ZFP69B: variants seen among roughly 807,000 people sequenced by gnomAD.
ZFP69B encodes zinc finger protein 69 homolog B.
Under a neutral mutation model 19.7 loss-of-function variants are expected in ZFP69B, and 20 were observed. That is an observed-to-expected ratio of 1.02 (90% confidence interval 0.71 to 1.48). The LOEUF is 1.48. Ranked by LOEUF, ZFP69B falls within the 40% of genes most tolerant of loss-of-function variation. The probability of loss-of-function intolerance (pLI) is 0.00; values close to 1 mark genes in which losing one functional copy is unlikely to be tolerated. For missense variants in ZFP69B, 583 were observed against 632.6 expected (o/e 0.92, Z 0.84); for synonymous variants, 220 against 222.7 (o/e 0.99, Z 0.11).
rs201338663 is a variant in ZFP69B at position 40,457,017 on chromosome 1, C to A, written c.286C>A (p.Arg96=). ...GTGGGGGCAGCTGGCCCCTGCTCAC[C>A]GGAATCTGTACCGGGAGGTGATGCT... ...EEWGQLAPAH[R]NLYREVMLEN... The change falls in exon 3 of 5, where the codon CGG becomes AGG. Residue 96 remains arginine (R), a synonymous_variant. Transcript: ENST00000361584. The A allele has an allele frequency of 1.4e-5, 23 of 1,613,410 alleles. No individual in the cohort carries two copies. The highest frequency in any genetic ancestry group is 1.7e-5 in the Non-Finnish European group (20 of 1,179,774).
intron 4 of ZFP69B, among the ~76,000 whole-genome samples, chr1:40,458,869 C>T (rs999919046): frequency 1.1e-4 from 17 of 152,178 alleles, no homozygotes; most frequent in African/African-American, 3.9e-4. Context: ...TCTGGTGATT[C>T]AGAAAGATTC....
At chr1:40,452,259 A>G (rs1230998088) in intron 1 of ZFP69B, among the ~76,000 whole-genome samples, 5 of 152,204 alleles carry the variant, frequency 3.3e-5, no homozygotes, top group African/African-American at 1.2e-4. Context: ...TACTTACTAA[A>G]TGGCAAGGAA....
chr1:40,455,129 C>G (rs189087634), intron 2 of ZFP69B, among the ~76,000 whole-genome samples: 1 of 152,052 alleles, frequency 6.6e-6, no homozygotes, highest in African/African-American at 2.4e-5. Flanking sequence ...AGAACATGAG[C>G]TAAATAGGCT....
rs1225309219 is a variant in ZFP69B, at chr1:40,462,751, C to T, written c.767C>T (p.Pro256Leu). ...PRKRDRKYDT[P>L]GKRSRYNIDL... Reference sequence around the variant, plus strand: ...AAAAGAGATCGTAAATATGACACACCTGGAAAGAGAAGCAGATACAACATA... The same window carrying T: ...AAAAGAGATCGTAAATATGACACACTTGGAAAGAGAAGCAGATACAACATA... Residue 256 changes from proline to leucine, a missense_variant, in exon 5 of 5, where the codon CCT becomes CTT. Pro to Leu is a moderately conservative substitution (Grantham distance 98, BLOSUM62 -3). Transcript: ENST00000361584. The T allele has an allele frequency of 1.2e-6, 2 of 1,614,022 alleles. No individual in the cohort carries two copies. The highest frequency in any genetic ancestry group is 1.7e-5 in the Admixed American group (1 of 59,990).
chr1:40,460,762 C>G (rs1264784825), intron 4 of ZFP69B, among the ~76,000 whole-genome samples: 1 of 151,936 alleles, frequency 6.6e-6, no homozygotes, highest in East Asian at 1.9e-4. Flanking sequence ...GCGGGCGGAT[C>G]ATAAGGTAAA....
intron 4 of ZFP69B, among the ~76,000 whole-genome samples, chr1:40,461,689 G>C (rs1316987215): frequency 6.6e-6 from 1 of 152,078 alleles, no homozygotes; most frequent in Non-Finnish European, 1.5e-5. Context: ...TAGCTACTTG[G>C]GGGACTGAGT....
In ZFP69B at chr1:40,463,405, C is replaced by T. The variant is rs139213019; in HGVS notation, c.1421C>T (p.Pro474Leu). Residue 474 changes from proline (P) to leucine (L), a missense_variant, in exon 5 of 5, where the codon CCT becomes CTT. By Grantham distance (98) the Pro-to-Leu change is moderately conservative. Coordinates refer to ENST00000361584, the MANE Select transcript of ZFP69B (RefSeq NM_023070.3). ...IHQRVHTGVK[P>L]YECSHCGKAF... ...CAGAGAGTCCATACTGGAGTAAAAC[C>T]TTATGAATGCAGTCATTGTGGGAAA... 2.7e-5 allele frequency: 44 copies of T among 1,614,032 alleles called. No individual in the cohort carries two copies. The highest frequency in any genetic ancestry group is 2.5e-4 in the South Asian group (23 of 91,086).
intron 4 of ZFP69B, among the ~76,000 whole-genome samples, chr1:40,461,506 A>G (rs1480548326): frequency 3.3e-5 from 5 of 152,096 alleles, no homozygotes; most frequent in East Asian, 1.9e-4. Context: ...TTAGAATCCT[A>G]TCTTACACCC....
At chr1:40,462,356 C>T in intron 4 of ZFP69B, 65 bp from the exon 5 acceptor site, 3 of 1,448,234 alleles carry the variant, frequency 2.1e-6, no homozygotes, top group Non-Finnish European at 2.8e-6. Flanking sequence ...CTTCCATTCT[C>T]ACCGTGGCAA....
intron 1 of ZFP69B, among the ~76,000 whole-genome samples, chr1:40,452,923 A>G (rs952223517): frequency 4.6e-5 from 7 of 152,084 alleles, no homozygotes; most frequent in Admixed American, 3.9e-4. Context: ...TTCATGATAA[A>G]AAGTTGGAAT....
At chr1:40,457,267 T>C (rs771060567) in intron 3 of ZFP69B, 77 bp from the exon 4 acceptor site, 5 of 1,540,990 alleles carry the variant, frequency 3.2e-6, no homozygotes, top group Non-Finnish European at 4.5e-6. Flanking sequence ...AAGGCCCGAA[T>C]ACCAAAGAAC....
chr1:40,457,055 G>C lies in ZFP69B; in HGVS notation c.324G>C (p.Gly108=). Residue 108 remains glycine (G), a synonymous_variant, in exon 3 of 5, where the codon GGG becomes GGC. Transcript: ENST00000361584. Reference sequence around the variant, plus strand: ...GGGAGGTGATGCTGGAGAACTATGGGAACCTGGTCTCAGTGGGTAAGGATG... The same window carrying C: ...GGGAGGTGATGCTGGAGAACTATGGCAACCTGGTCTCAGTGGGTAAGGATG... ...LYREVMLENY[G]NLVSVGCQLS... 1 of 1,606,578 alleles carries C rather than the reference G, an allele frequency of 6.2e-7. No homozygotes were observed. Among genetic ancestry groups the C allele is most frequent in the Non-Finnish European group, 8.5e-7 (1 of 1,177,368 alleles).
intron 4 of ZFP69B, among the ~76,000 whole-genome samples, chr1:40,459,209 C>A (rs2124421086): frequency 6.6e-6 from 1 of 152,338 alleles, no homozygotes; most frequent in Middle Eastern, 3.4e-3. Flanking sequence ...TGCTCCATTT[C>A]TGTACAAACT....
At chr1:40,460,823 A>G (rs1396497590) in intron 4 of ZFP69B, among the ~76,000 whole-genome samples, 1 of 152,094 alleles carries the variant, frequency 6.6e-6, no homozygotes, top group Non-Finnish European at 1.5e-5. Context: ...TTTACTAAAA[A>G]TACAAAAAGT....
chr1:40,451,653 T>TG (rs371723102), intron 1 of ZFP69B, among the ~76,000 whole-genome samples: 14,408 of 110,540 alleles, frequency 0.13, 887 homozygotes, highest in East Asian at 0.21. Flanking sequence ...GAGAAAGACG[T>TG]GGGGGGGGGG....
chr1:40,452,335 A>G lies in ZFP69B; in HGVS notation c.127+1247A>G, dbSNP rs372852131. ...TTTAATCAAATGTCTCAGTAATGGGATAGCCGGGCATTTTATACTTTGCAG... is the reference window on the plus strand; with the variant it reads ...TTTAATCAAATGTCTCAGTAATGGGGTAGCCGGGCATTTTATACTTTGCAG... On this transcript the variant is annotated intron_variant, in intron 1 of 4. Coordinates refer to ENST00000361584, the MANE Select transcript of ZFP69B (RefSeq NM_023070.3). Among the ~76,000 whole-genome samples the G allele has an allele frequency of 6.5e-4, 99 of 152,360 alleles. No individual in the cohort carries two copies. In the East Asian group the frequency reaches 0.017, roughly 26 times the overall value.
rs1434961739 is a variant in ZFP69B, at chr1:40,462,907, G to A, written c.923G>A (p.Arg308Lys). 1 of 1,613,992 alleles carries A rather than the reference G, an allele frequency of 6.2e-7. No individual in the cohort carries two copies. Reference protein sequence around the residue: ...MRIHTGEKPFRCKECGKAFSQ... With the variant: ...MRIHTGEKPFKCKECGKAFSQ... ...ATTCATACCGGGGAGAAACCTTTCA[G>A]ATGTAAGGAATGTGGAAAAGCCTTT... The change falls in exon 5 of 5, where the codon AGA becomes AAA. Residue 308 changes from arginine (R) to lysine (K), a missense_variant. Transcript: ENST00000361584.
chr1:40,459,385 CAG>C (rs897744929), intron 4 of ZFP69B, among the ~76,000 whole-genome samples: 7 of 152,314 alleles, frequency 4.6e-5, no homozygotes, highest in African/African-American at 1.7e-4. Flanking sequence ...CATCCAAAAA[CAG>C]AAGCCATCTC....
upstream of ZFP69B, chr1:40,450,157 C>G (rs12407781): frequency 3.5e-3 from 527 of 152,398 alleles, 7 homozygotes; most frequent in East Asian, 0.051. Flanking sequence ...CGGGGGCGTG[C>G]CGGCCCAGCG....
Sources: gnomAD v4.1 joint callset for allele counts (sites outside exome capture counted in the v4.1 genomes callset) on GRCh38, gnomAD v4.1.1 for gene constraint, MANE v1.5 for transcripts, NCBI Gene and HGNC (gene_info 2026-07-23, HGNC 2026-07-21) for gene names.